CCBE1: variants seen among roughly 807,000 people sequenced by gnomAD.
The protein encoded by CCBE1 is collagen and calcium-binding EGF domain-containing protein 1.
Under a neutral mutation model 50.0 loss-of-function variants are expected in CCBE1, and 37 were observed. The ratio of observed to expected loss-of-function variants is 0.74; its 90% CI spans 0.57 to 0.97. CCBE1 has a LOEUF of 0.97. CCBE1 is among the 50% of genes least tolerant of loss of function. The probability of loss-of-function intolerance (pLI) is 0.00; values close to 1 mark genes in which losing one functional copy is unlikely to be tolerated. For synonymous variants in CCBE1, 234 were observed against 203.7 expected (o/e 1.15, Z -1.27); for missense variants, 538 against 523.8 (o/e 1.03, Z -0.26).
chr18:59,659,282 A>C (rs1365757042), intron 2 of CCBE1, among the ~76,000 whole-genome samples: 1 of 146,478 alleles, frequency 6.8e-6, no homozygotes, highest in African/African-American at 2.6e-5. Flanking sequence ...TAATACATTA[A>C]AAGAATTTAC....
chr18:59,506,791 C>A (rs1013229541), intron 2 of CCBE1, among the ~76,000 whole-genome samples: 3 of 152,170 alleles, frequency 2.0e-5, no homozygotes, highest in African/African-American at 4.8e-5. Context: ...CTGGATGGAG[C>A]AAACAAAAGA....
chr18:59,488,939 G>A (rs1912959067), intron 2 of CCBE1, among the ~76,000 whole-genome samples: 2 of 152,078 alleles, frequency 1.3e-5, no homozygotes, highest in Admixed American at 6.6e-5. Flanking sequence ...GACACAAGGA[G>A]CCCCTGCTAT....
intron 2 of CCBE1, among the ~76,000 whole-genome samples, chr18:59,524,904 T>C (rs1459219385): frequency 3.3e-5 from 5 of 152,224 alleles, no homozygotes; most frequent in East Asian, 1.9e-4. Flanking sequence ...GCTCCATCCA[T>C]GTCCCTGCAA....
chr18:59,448,108 AAGG>A lies in CCBE1; in HGVS notation c.655-8_655-6del, dbSNP rs766891966. ...ATTGTTGGGGAGCAGAGCAATCTGC[AAGG>A]AGAAGAGGAAGCCTCAGTCAGGAAG... On this transcript the variant is annotated splice_region_variant and splice_polypyrimidine_tract_variant and intron_variant, in intron 6 of 10. Transcript: ENST00000439986. The A allele has an allele frequency of 7.4e-6, 12 of 1,613,822 alleles. No individual in the cohort carries two copies. Among genetic ancestry groups the A allele is most frequent in the South Asian group, 1.1e-5 (1 of 91,050 alleles).
intron 2 of CCBE1, among the ~76,000 whole-genome samples, chr18:59,664,872 G>A (rs116102582): frequency 0.011 from 1,673 of 152,280 alleles, 20 homozygotes; most frequent in African/African-American, 0.027. Flanking sequence ...TGCTGGCACT[G>A]TCTCAGGCAA....
intron 5 of CCBE1, among the ~76,000 whole-genome samples, chr18:59,466,155 G>GT (rs1266289389): frequency 6.6e-6 from 1 of 151,754 alleles, no homozygotes; most frequent in Non-Finnish European, 1.5e-5. Flanking sequence ...ACATGATATG[G>GT]TTTAGCTGTG....
intron 3 of CCBE1, among the ~76,000 whole-genome samples, chr18:59,470,135 T>C (rs1911960615): frequency 6.6e-6 from 1 of 152,156 alleles, no homozygotes. Context: ...GACTGGGTAA[T>C]TTATAAAGGA....
At chr18:59,689,854 T>C (rs1425949464) in intron 2 of CCBE1, among the ~76,000 whole-genome samples, 11 of 152,212 alleles carry the variant, frequency 7.2e-5, no homozygotes, top group African/African-American at 2.7e-4. Flanking sequence ...GCTAAGTTCT[T>C]GCTAGCGCCT....
intron 2 of CCBE1, among the ~76,000 whole-genome samples, chr18:59,573,707 C>A (rs1281524627): frequency 6.6e-6 from 1 of 151,882 alleles, no homozygotes. Context: ...CTACTGCCTA[C>A]ACCTTCACAA....
At chr18:59,615,555 T>C (rs1484368584) in intron 2 of CCBE1, among the ~76,000 whole-genome samples, 1 of 152,164 alleles carries the variant, frequency 6.6e-6, no homozygotes, top group Non-Finnish European at 1.5e-5. Context: ...ATTTGGTATA[T>C]ATTTTGATCA....
At chr18:59,553,102 A>G (rs1435989980) in intron 2 of CCBE1, among the ~76,000 whole-genome samples, 3 of 152,174 alleles carry the variant, frequency 2.0e-5, no homozygotes, top group African/African-American at 7.2e-5. Context: ...CTGTGTACAG[A>G]AGGTTGCCCA....
intron 2 of CCBE1, among the ~76,000 whole-genome samples, chr18:59,599,714 C>T (rs914688518): frequency 1.6e-4 from 25 of 152,214 alleles, no homozygotes; most frequent in African/African-American, 5.5e-4. Context: ...TTCATTTGTA[C>T]CACAGGAGCA....
intron 2 of CCBE1, among the ~76,000 whole-genome samples, chr18:59,519,167 C>A (rs2144320180): frequency 6.6e-6 from 1 of 152,280 alleles, no homozygotes; most frequent in Non-Finnish European, 1.5e-5. Flanking sequence ...GAGAGCAGGC[C>A]AGTGGCAGAC....
chr18:59,581,812 T>C (rs139075961), intron 2 of CCBE1, among the ~76,000 whole-genome samples: 1 of 152,288 alleles, frequency 6.6e-6, no homozygotes, highest in East Asian at 1.9e-4. Context: ...TTTATTATAG[T>C]TGTGACAACC....
rs1912761239 is a variant in CCBE1, at chr18:59,485,264, AT to A, written c.213-5027del. Reference sequence around the variant, plus strand: ...CTGAGTATTAACACATGTAAAAAAAATAAATAAATAAAAGTCGTGCAGGCAG... The same window carrying A: ...CTGAGTATTAACACATGTAAAAAAAAAAATAAATAAAAGTCGTGCAGGCAG... On this transcript the variant is annotated intron_variant, in intron 2 of 10. Coordinates refer to ENST00000439986, the MANE Select transcript of CCBE1 (RefSeq NM_133459.4). Among the ~76,000 whole-genome samples, 4 of 152,338 alleles carry A rather than the reference AT, an allele frequency of 2.6e-5. No individual in the cohort carries two copies. In the East Asian group the frequency reaches 7.7e-4, roughly 29 times the overall value.
At chr18:59,587,650 C>T (rs1277607259) in intron 2 of CCBE1, among the ~76,000 whole-genome samples, 1 of 152,164 alleles carries the variant, frequency 6.6e-6, no homozygotes, top group Non-Finnish European at 1.5e-5. Context: ...ATCTAGGACG[C>T]ATTTGTCTAA....
chr18:59,480,348 A>G, intron 2 of CCBE1, 110 bp from the exon 3 acceptor site: 1 of 780,022 alleles, frequency 1.3e-6, no homozygotes, highest in Non-Finnish European at 2.2e-6. Flanking sequence ...ATTGAGGCAT[A>G]AAGCAAAGTA....
At chr18:59,440,054 GGA>G (rs1381162425) in intron 7 of CCBE1, among the ~76,000 whole-genome samples, 1 of 152,168 alleles carries the variant, frequency 6.6e-6, no homozygotes, top group Non-Finnish European at 1.5e-5. Flanking sequence ...GCCAAAAACT[GGA>G]GAGTCTTCCT....
Position 59,607,614 on chromosome 18 carries a change from G to A in CCBE1, c.212+89015C>T, listed in dbSNP as rs571930147. On this transcript the variant is annotated intron_variant, in intron 2 of 10. Coordinates refer to ENST00000439986, the MANE Select transcript of CCBE1 (RefSeq NM_133459.4). ...TCTCTTATTCCCTTCAGCTACTCTC[G>A]GCAGCCTCAGATGCTGTCCTAGGGC... 1.2e-4 allele frequency among the ~76,000 whole-genome samples: 19 copies of A among 152,178 alleles called. No homozygotes were observed. The East Asian group carries it at 1.4e-3, about 11-fold the overall frequency.
Sources: gnomAD v4.1 joint callset for allele counts (sites outside exome capture counted in the v4.1 genomes callset) on GRCh38, gnomAD v4.1.1 for gene constraint, MANE v1.5 for transcripts, NCBI Gene and HGNC (gene_info 2026-07-23, HGNC 2026-07-21) for gene names.